Variants in FMN1 observed in about 807,000 individuals in gnomAD.
The protein encoded by FMN1 is formin 1, also known as formin-1.
A neutral mutation model predicts 132.4 loss-of-function variants in FMN1; 110 were observed. That is an observed-to-expected ratio of 0.83 (90% confidence interval 0.71 to 0.97). The LOEUF (loss-of-function observed/expected upper bound fraction) is 0.97. Ranked by LOEUF, FMN1 falls within the 50% of genes least tolerant of loss-of-function variation. The pLI, the probability that FMN1 is intolerant of heterozygous loss-of-function variation, is 0.00. For missense variants in FMN1, 1,792 were observed against 1,705.3 expected (o/e 1.05, Z -0.90); for synonymous variants, 722 against 651.7 (o/e 1.11, Z -1.64).
chr15:33,164,332 A>G (rs75159211), intron 3 of FMN1, among the ~76,000 whole-genome samples: 2 of 152,336 alleles, frequency 1.3e-5, no homozygotes, highest in East Asian at 1.9e-4. Flanking sequence ...CCACCAGCAT[A>G]AGCTATGTCT....
chr15:32,874,017 G>GTTTT (rs962842419), intron 16 of FMN1, among the ~76,000 whole-genome samples: 21,687 of 114,478 alleles, frequency 0.19, 2,019 homozygotes, highest in Non-Finnish European at 0.24. Context: ...TATTTTAGTT[G>GTTTT]TTTTTTTTTT....
At chr15:32,969,536 T>C (rs1596368355) in intron 7 of FMN1, 59 bp from the exon 8 acceptor site, 2 of 1,555,266 alleles carry the variant, frequency 1.3e-6, no homozygotes, top group East Asian at 4.5e-5. Flanking sequence ...AACTTAAGAA[T>C]TTAGAAACTC....
chr15:32,919,311 G>C (rs1473729608), intron 10 of FMN1, among the ~76,000 whole-genome samples: 1 of 152,180 alleles, frequency 6.6e-6, no homozygotes, highest in African/African-American at 2.4e-5. Flanking sequence ...AGACACTTTG[G>C]TTGCTAGTAC....
chr15:33,034,655 C>A lies in FMN1; in HGVS notation c.2162-26580G>T, dbSNP rs558294104. Among the ~76,000 whole-genome samples the A allele has an allele frequency of 7.7e-5, 8 of 103,386 alleles. No homozygotes were observed. In the South Asian group the frequency reaches 1.6e-3, roughly 21 times the overall value. 67.8% of individuals were successfully genotyped at this position (103,386 alleles called of 152,430 possible). ...AGATCAGGAAATCCTGATGGTTCTG[C>A]CTCAAAAATCCAGAATCTGATTTTT... On this transcript the variant is annotated intron_variant, in intron 6 of 20. Transcript: ENST00000616417.
rs1294510777 is a variant in FMN1 at position 33,184,954 on chromosome 15, C to T, written c.-196-4692G>A. On this transcript the variant is annotated intron_variant, in intron 2 of 20. Coordinates refer to ENST00000616417, the MANE Select transcript of FMN1 (RefSeq NM_001277313.2). Reference sequence around the variant, plus strand: ...AAATGAAGAGCTGATGAATATGCTACGTTATATGTGTGCTTATATTGTTAA... The same window carrying T: ...AAATGAAGAGCTGATGAATATGCTATGTTATATGTGTGCTTATATTGTTAA... 3.9e-5 allele frequency among the ~76,000 whole-genome samples: 6 copies of T among 152,044 alleles called. No individual in the cohort carries two copies. The South Asian group carries it at 1.0e-3, about 26-fold the overall frequency.
intron 20 of FMN1, 44 bp from the exon 21 acceptor site, chr15:32,774,398 T>C (rs1354163318): frequency 6.6e-7 from 1 of 1,504,786 alleles, no homozygotes; most frequent in East Asian, 2.4e-5. Context: ...CTTTCATCTT[T>C]CTCAAGTTTT....
chr15:32,943,061 T>C (rs907903221), intron 9 of FMN1, among the ~76,000 whole-genome samples: 9 of 152,310 alleles, frequency 5.9e-5, no homozygotes, highest in South Asian at 2.1e-4. Flanking sequence ...GCTGGTACAG[T>C]GCTCAAGGAA....
At chr15:32,810,075 G>A (rs2057820750) in intron 17 of FMN1, among the ~76,000 whole-genome samples, 1 of 151,952 alleles carries the variant, frequency 6.6e-6, no homozygotes, top group Admixed American at 6.6e-5. Flanking sequence ...ACGCACCATG[G>A]CTGGCTAATT....
intron 6 of FMN1, among the ~76,000 whole-genome samples, chr15:33,045,432 T>C: frequency 6.6e-6 from 1 of 152,174 alleles, no homozygotes; most frequent in East Asian, 1.9e-4. Context: ...TTCTGGCTGT[T>C]AAGAAATATC....
Position 32,766,221 on chromosome 15 carries a change from G to A in FMN1, c.*8089C>T, listed in dbSNP as rs575932139. ...CTTGCACTTTTAAGTGCTTTCAAGA[G>A]TGTAGCAGTTACTGTTCATCTGAAA... On this transcript the variant is annotated 3_prime_UTR_variant, in exon 21 of 21. Transcript: ENST00000616417. 2.6e-5 allele frequency: 4 copies of A among 152,184 alleles called. No homozygotes were observed. Among genetic ancestry groups the A allele is most frequent in the African/African-American group, 4.8e-5 (2 of 41,436 alleles). The allele number at this position is 152,184 out of a possible 1,614,324, so 9.4% of individuals were successfully genotyped here. A position where few individuals can be genotyped will look rare whatever the true frequency, so the allele number is the denominator to read the frequency against.
chr15:32,945,443 C>A (rs1439684442), intron 9 of FMN1, among the ~76,000 whole-genome samples: 1 of 152,170 alleles, frequency 6.6e-6, no homozygotes, highest in African/African-American at 2.4e-5. Context: ...GACCTTTGGA[C>A]TTCCTGTCTT....
chr15:32,845,462 C>G (rs955032994), intron 17 of FMN1, among the ~76,000 whole-genome samples: 3 of 152,120 alleles, frequency 2.0e-5, no homozygotes, highest in Non-Finnish European at 4.4e-5. Flanking sequence ...ATACTTTTCT[C>G]CTTTAGATGA....
At chr15:32,964,513 G>A (rs1385576113) in intron 8 of FMN1, among the ~76,000 whole-genome samples, 3 of 152,170 alleles carry the variant, frequency 2.0e-5, no homozygotes, top group Admixed American at 1.3e-4. Flanking sequence ...GAGCTCTACA[G>A]AAACTCCTTA....
chr15:32,846,819 T>C (rs530910057), intron 17 of FMN1, among the ~76,000 whole-genome samples: 19 of 152,264 alleles, frequency 1.2e-4, no homozygotes, highest in Admixed American at 3.3e-4. Context: ...CAAATGCCCA[T>C]TGATGATAGA....
intron 16 of FMN1, among the ~76,000 whole-genome samples, chr15:32,866,472 G>A (rs1232314530): frequency 2.0e-5 from 3 of 152,112 alleles, no homozygotes; most frequent in African/African-American, 7.2e-5. Context: ...TCAAACAGTA[G>A]AAAGGCTGGC....
chr15:32,984,309 A>C (rs1038074260), intron 7 of FMN1, among the ~76,000 whole-genome samples: 1 of 152,096 alleles, frequency 6.6e-6, no homozygotes, highest in South Asian at 2.1e-4. Context: ...ATTTTTTCTT[A>C]GTTTTAAAGA....
intron 4 of FMN1, among the ~76,000 whole-genome samples, chr15:33,149,374 C>A (rs112319046): frequency 0.014 from 2,161 of 152,272 alleles, 51 homozygotes; most frequent in African/African-American, 0.05. Flanking sequence ...TGAACAGCCT[C>A]ATAATATTAC....
At chr15:33,092,765 G>C (rs7170779) in intron 4 of FMN1, among the ~76,000 whole-genome samples, 4,327 of 152,260 alleles carry the variant, frequency 0.028, 209 homozygotes, top group African/African-American at 0.099. Flanking sequence ...TATCATGTCT[G>C]CTCCCACTAG....
At chr15:32,868,093 C>A (rs2141357947) in intron 16 of FMN1, among the ~76,000 whole-genome samples, 1 of 152,242 alleles carries the variant, frequency 6.6e-6, no homozygotes, top group Non-Finnish European at 1.5e-5. Flanking sequence ...CACTCATGTA[C>A]CTCAGAATGA....
Sources: gnomAD v4.1 joint callset for allele counts (sites outside exome capture counted in the v4.1 genomes callset) on GRCh38, gnomAD v4.1.1 for gene constraint, MANE v1.5 for transcripts, NCBI Gene and HGNC (gene_info 2026-07-23, HGNC 2026-07-21) for gene names.